The following CACNA2D1 variants were observed in gnomAD, a reference collection of about 807,000 sequenced individuals.
The protein encoded by CACNA2D1 is calcium voltage-gated channel auxiliary subunit alpha2delta 1.
In CACNA2D1, 53 loss-of-function variants were observed where a neutral mutation model predicts 171.5. The ratio of observed to expected loss-of-function variants is 0.31; its 90% CI spans 0.25 to 0.39. CACNA2D1 has a LOEUF of 0.39. Ranked by LOEUF, CACNA2D1 falls within the 10% of genes least tolerant of loss-of-function variation. CACNA2D1 has a pLI of 1.00. For synonymous variants in CACNA2D1, 442 were observed against 443.1 expected, an observed-to-expected ratio of 1.00 and a Z score of 0.03; for missense variants, 903 against 1,299.8, an observed-to-expected ratio of 0.69 and a Z score of 4.69.
chr7:82,388,922 C>G (rs1292755463), intron 1 of CACNA2D1, among the ~76,000 whole-genome samples: 62 of 151,894 alleles, frequency 4.1e-4, no homozygotes, highest in Non-Finnish European at 6.8e-4. Flanking sequence ...TTGGGACCAG[C>G]CTAGCCAACA....
intron 18 of CACNA2D1, among the ~76,000 whole-genome samples, chr7:81,999,713 A>G (rs938340590): frequency 3.9e-5 from 6 of 152,200 alleles, no homozygotes; most frequent in African/African-American, 1.4e-4. Context: ...AAAATTCACT[A>G]AAATGCACAT....
intron 3 of CACNA2D1, among the ~76,000 whole-genome samples, chr7:82,255,605 T>TA (rs1806201888): frequency 6.6e-6 from 1 of 152,144 alleles, no homozygotes; most frequent in South Asian, 2.1e-4. Flanking sequence ...AGCCCAATGA[T>TA]AAAAAGAAAA....
intron 3 of CACNA2D1, among the ~76,000 whole-genome samples, chr7:82,192,005 A>G (rs1798344670): frequency 6.6e-6 from 1 of 151,834 alleles, no homozygotes; most frequent in Non-Finnish European, 1.5e-5. Flanking sequence ...AAAACTTCTT[A>G]AAGTTGTATT....
chr7:82,356,063 T>C lies in CACNA2D1; in HGVS notation c.96-6414A>G, dbSNP rs1253158905. On this transcript the variant is annotated intron_variant, in intron 1 of 38. Transcript: ENST00000356860. ...CCTCCTCCAGTCCTTTGTTTAATAG[T>C]AGTATCTCAGCATTTTTCCAACACA... Among the ~76,000 whole-genome samples, 6 of 152,140 alleles carry C rather than the reference T, an allele frequency of 3.9e-5. No individual in the cohort carries two copies. The East Asian group carries it at 1.2e-3, about 29-fold the overall frequency.
intron 3 of CACNA2D1, among the ~76,000 whole-genome samples, chr7:82,194,072 T>G (rs2129191373): frequency 6.6e-6 from 1 of 152,180 alleles, no homozygotes; most frequent in Admixed American, 6.6e-5. Flanking sequence ...TGTGTTGAAT[T>G]AAATTTCTAA....
At chr7:82,022,392 C>A (rs190016772) in intron 12 of CACNA2D1, among the ~76,000 whole-genome samples, 1 of 151,900 alleles carries the variant, frequency 6.6e-6, no homozygotes, top group Admixed American at 6.6e-5. Context: ...TATTCTAAAG[C>A]TAAAAATTTA....
intron 3 of CACNA2D1, among the ~76,000 whole-genome samples, chr7:82,236,847 C>T (rs1014520143): frequency 6.6e-6 from 1 of 152,012 alleles, no homozygotes; most frequent in African/African-American, 2.4e-5. Context: ...AATTTACCAC[C>T]TACTGTAGGT....
chr7:82,319,586 T>C (rs1024295769), intron 3 of CACNA2D1, among the ~76,000 whole-genome samples: 5 of 152,166 alleles, frequency 3.3e-5, no homozygotes, highest in African/African-American at 7.2e-5. Context: ...AAGAACCACA[T>C]TATGTTGTTG....
intron 11 of CACNA2D1, among the ~76,000 whole-genome samples, chr7:82,035,185 T>C (rs1345706074): frequency 2.6e-5 from 4 of 152,128 alleles, no homozygotes; most frequent in Non-Finnish European, 2.9e-5. Flanking sequence ...ATATACACTC[T>C]ATATAAAGTT....
chr7:82,263,552 T>C (rs1381083928), intron 3 of CACNA2D1, among the ~76,000 whole-genome samples: 1 of 152,162 alleles, frequency 6.6e-6, no homozygotes, highest in African/African-American at 2.4e-5. Context: ...GAACTAACTC[T>C]GAAATTATAA....
intron 3 of CACNA2D1, among the ~76,000 whole-genome samples, chr7:82,281,737 T>C (rs1810124800): frequency 6.6e-6 from 1 of 152,162 alleles, no homozygotes; most frequent in South Asian, 2.1e-4. Context: ...AGAATGAATA[T>C]AAATATCAAA....
intron 3 of CACNA2D1, among the ~76,000 whole-genome samples, chr7:82,316,610 A>G (rs1815149948): frequency 6.6e-6 from 1 of 152,210 alleles, no homozygotes; most frequent in Non-Finnish European, 1.5e-5. Context: ...GCTAACATAT[A>G]AATCAAAATA....
At chr7:82,356,071 C>G (rs1820386374) in intron 1 of CACNA2D1, among the ~76,000 whole-genome samples, 1 of 152,074 alleles carries the variant, frequency 6.6e-6, no homozygotes, top group Non-Finnish European at 1.5e-5. Flanking sequence ...AGTAGTATCT[C>G]AGCATTTTTC....
At chr7:82,290,070 T>G (rs539378949) in intron 3 of CACNA2D1, among the ~76,000 whole-genome samples, 1 of 152,216 alleles carries the variant, frequency 6.6e-6, no homozygotes, top group South Asian at 2.1e-4. Context: ...ATTTCAGAAG[T>G]TGTTCCTATT....
At chr7:82,343,664 A>G (rs1818936178) in intron 2 of CACNA2D1, among the ~76,000 whole-genome samples, 1 of 152,210 alleles carries the variant, frequency 6.6e-6, no homozygotes, top group Non-Finnish European at 1.5e-5. Context: ...GTCGTTGTTT[A>G]ATTCTGGAGA....
chr7:82,425,384 C>T (rs1300077104), intron 1 of CACNA2D1, among the ~76,000 whole-genome samples: 1 of 152,040 alleles, frequency 6.6e-6, no homozygotes, highest in East Asian at 1.9e-4. Flanking sequence ...GAACAAGGGG[C>T]CACCACGACT....
chr7:82,001,641 A>G (rs1474042154), intron 18 of CACNA2D1: 5 of 1,073,242 alleles, frequency 4.7e-6, no homozygotes, highest in Non-Finnish European at 6.4e-6. Flanking sequence ...TGTTAAGGCT[A>G]CCTTCATTCA....
chr7:82,406,385 T>A lies in CACNA2D1; in HGVS notation c.95+36980A>T, dbSNP rs572240021. On this transcript the variant is annotated intron_variant, in intron 1 of 38. Coordinates refer to ENST00000356860, the MANE Select transcript of CACNA2D1 (RefSeq NM_000722.4). ...CATGTGTCTTTATAGCAGCATGATT[T>A]ATAATCCTTTGGGTATATACCCAGT... is the stretch of plus-strand genomic sequence containing the variant. Among the ~76,000 whole-genome samples the A allele has an allele frequency of 2.0e-5, 3 of 152,318 alleles. No individual in the cohort carries two copies. In the East Asian group the frequency reaches 5.8e-4, roughly 29 times the overall value.
At chr7:82,374,717 T>A (rs551081951) in intron 1 of CACNA2D1, among the ~76,000 whole-genome samples, 1 of 151,694 alleles carries the variant, frequency 6.6e-6, no homozygotes, top group Non-Finnish European at 1.5e-5. Context: ...TTAAATTTTG[T>A]TGGTAAAAAC....
Sources: gnomAD v4.1 joint callset for allele counts (sites outside exome capture counted in the v4.1 genomes callset) on GRCh38, gnomAD v4.1.1 for gene constraint, MANE v1.5 for transcripts, NCBI Gene and HGNC (gene_info 2026-07-23, HGNC 2026-07-21) for gene names.